The following TRPS1 variants were observed in gnomAD, a reference collection of about 807,000 sequenced individuals.
TRPS1 encodes the protein zinc finger transcription factor Trps1.
TRPS1 carries 6 observed loss-of-function variants against 101.2 expected under a neutral mutation model. That is an observed-to-expected ratio of 0.06 (90% CI 0.03 to 0.12). The LOEUF (loss-of-function observed/expected upper bound fraction) is 0.12, where lower values mean the gene tolerates loss of function less well. Among genes scored for constraint, TRPS1 ranks in the 10% least tolerant of loss-of-function variants. The pLI, the probability that TRPS1 is intolerant of heterozygous loss-of-function variation, is 1.00. For missense variants in TRPS1, 1,363 were observed against 1,567.0 expected (o/e 0.87, Z 2.20); for synonymous variants, 578 against 589.8 (o/e 0.98, Z 0.29).
chr8:115,611,345 C>T (rs1818159314), intron 3 of TRPS1, among the ~76,000 whole-genome samples: 1 of 151,974 alleles, frequency 6.6e-6, no homozygotes, highest in African/African-American at 2.4e-5. Flanking sequence ...ATCTAATCTC[C>T]GAAAATATAG....
rs187616597 is a variant in TRPS1 at position 115,600,678 on chromosome 8, T to G, written c.2096+3195A>C. Among the ~76,000 whole-genome samples, 4 of 152,062 alleles carry G rather than the reference T, an allele frequency of 2.6e-5. No homozygotes were observed. In the East Asian group the frequency reaches 7.7e-4, roughly 29 times the overall value. On this transcript the variant is annotated intron_variant, in intron 4 of 6. Transcript: ENST00000395715. ...AGGGAGAACAAAGGCTCCAAAAATTTTTCTTACTTTGTAGAAGTCTGGCAA... is the reference window on the plus strand; with the variant it reads ...AGGGAGAACAAAGGCTCCAAAAATTGTTCTTACTTTGTAGAAGTCTGGCAA...
chr8:115,586,949 C>T (rs1563623566), intron 5 of TRPS1, 52 bp downstream of exon 5: 2 of 1,609,616 alleles, frequency 1.2e-6, no homozygotes, highest in African/African-American at 2.7e-5. Context: ...ATGTGTGTTC[C>T]TCCTTTTGCC....
chr8:115,525,443 T>C (rs747112957), intron 5 of TRPS1, among the ~76,000 whole-genome samples: 6 of 152,038 alleles, frequency 3.9e-5, no homozygotes, highest in Non-Finnish European at 7.4e-5. Flanking sequence ...ATAAGTACCA[T>C]GTATGCCAGT....
At chr8:115,567,918 T>C (rs560350738) in intron 5 of TRPS1, among the ~76,000 whole-genome samples, 14 of 152,302 alleles carry the variant, frequency 9.2e-5, no homozygotes, top group African/African-American at 3.4e-4. Context: ...AGTGATCTTC[T>C]AGTTGTAAGA....
At chr8:115,553,188 TAA>T (rs1309747209) in intron 5 of TRPS1, among the ~76,000 whole-genome samples, 8 of 152,102 alleles carry the variant, frequency 5.3e-5, no homozygotes, top group Admixed American at 3.9e-4. Context: ...CATAATATAT[TAA>T]AATTTTTTAT....
chr8:115,440,262 G>C (rs1353109088), intron 5 of TRPS1, among the ~76,000 whole-genome samples: 1 of 152,226 alleles, frequency 6.6e-6, no homozygotes, highest in African/African-American at 2.4e-5. Flanking sequence ...CATCATTCGG[G>C]AGTTAATGGC....
At chr8:115,581,076 G>A (rs925014000) in intron 5 of TRPS1, among the ~76,000 whole-genome samples, 4 of 151,760 alleles carry the variant, frequency 2.6e-5, no homozygotes. Context: ...CATAAAAAAA[G>A]AATAAAATTC....
chr8:115,496,104 TCAAA>T (rs1428683157), intron 5 of TRPS1, among the ~76,000 whole-genome samples: 1 of 152,146 alleles, frequency 6.6e-6, no homozygotes, highest in Non-Finnish European at 1.5e-5. Context: ...CTACAACATG[TCAAA>T]TCCTGTGCTG....
At chr8:115,554,095 T>G (rs921845623) in intron 5 of TRPS1, among the ~76,000 whole-genome samples, 1 of 152,204 alleles carries the variant, frequency 6.6e-6, no homozygotes, top group African/African-American at 2.4e-5. Context: ...GTATGAAATA[T>G]TAATAAACAT....
At chr8:115,593,174 C>G (rs745819600) in intron 4 of TRPS1, among the ~76,000 whole-genome samples, 1 of 152,058 alleles carries the variant, frequency 6.6e-6, no homozygotes, top group Non-Finnish European at 1.5e-5. Context: ...TCACATACAC[C>G]TTCTGAGTCA....
At chr8:115,597,543 G>T (rs1817815012) in intron 4 of TRPS1, among the ~76,000 whole-genome samples, 1 of 151,922 alleles carries the variant, frequency 6.6e-6, no homozygotes, top group South Asian at 2.1e-4. Context: ...TTCTCTAATT[G>T]TTTGGTACAG....
chr8:115,437,150 G>C (rs1231601949), intron 5 of TRPS1, among the ~76,000 whole-genome samples: 1 of 152,040 alleles, frequency 6.6e-6, no homozygotes, highest in African/African-American at 2.4e-5. Context: ...TAACTGTTTT[G>C]ACAAAATCAA....
intron 5 of TRPS1, among the ~76,000 whole-genome samples, chr8:115,555,120 A>G (rs1586397596): frequency 6.6e-6 from 1 of 152,210 alleles, no homozygotes; most frequent in East Asian, 1.9e-4. Context: ...AGGCAAACAC[A>G]GTTTAACAGA....
At chr8:115,666,862 G>A (rs1268944277) in intron 1 of TRPS1, among the ~76,000 whole-genome samples, 1 of 107,526 alleles carries the variant, frequency 9.3e-6, no homozygotes, top group Non-Finnish European at 1.7e-5. Flanking sequence ...ATCTCTCCCA[G>A]ACCCTTTCCT....
At chr8:115,498,405 CTCTCTCTCTCTATATATATATATA>C (rs1408343642) in intron 5 of TRPS1, among the ~76,000 whole-genome samples, 152 of 85,664 alleles carry the variant, frequency 1.8e-3, no homozygotes, top group African/African-American at 7.4e-3. Flanking sequence ...CTCTCTCTCT[CTCTCTCTCTCTATATATATATATA>C]TATATATATA....
intron 5 of TRPS1, among the ~76,000 whole-genome samples, chr8:115,428,896 G>T (rs1340982801): frequency 6.6e-6 from 1 of 152,100 alleles, no homozygotes; most frequent in Non-Finnish European, 1.5e-5. Flanking sequence ...AGCACTTAAT[G>T]TTATGTCATT....
intron 5 of TRPS1, among the ~76,000 whole-genome samples, chr8:115,559,784 T>C (rs1005044320): frequency 2.0e-5 from 3 of 152,138 alleles, no homozygotes; most frequent in African/African-American, 7.2e-5. Context: ...GAAAGTGCCC[T>C]TGAAATGCAC....
intron 5 of TRPS1, among the ~76,000 whole-genome samples, chr8:115,460,648 T>A (rs1814145776): frequency 6.6e-6 from 1 of 151,950 alleles, no homozygotes; most frequent in African/African-American, 2.4e-5. Context: ...ATCTAGAAAC[T>A]TAACTGTTTT....
chr8:115,555,223 G>A lies in TRPS1; in HGVS notation c.2700+31778C>T, dbSNP rs182629750. On this transcript the variant is annotated intron_variant, in intron 5 of 6. Coordinates refer to ENST00000395715, the MANE Select transcript of TRPS1 (RefSeq NM_014112.5). The stretch of plus-strand genomic sequence containing the variant: ...ATATACTTGGTTTTTTTTCTGTACT[G>A]CTAACTTCGCTCTTAGAACATTCAG... Among the ~76,000 whole-genome samples, 28 of 152,144 alleles carry A rather than the reference G, an allele frequency of 1.8e-4. No individual in the cohort carries two copies. The East Asian group carries it at 4.6e-3, about 25-fold the overall frequency.
Sources: allele counts gnomAD v4.1 joint callset (sites outside exome capture counted in the v4.1 genomes callset), GRCh38; gene constraint gnomAD v4.1.1; transcripts MANE v1.5; gene names NCBI Gene and HGNC (gene_info 2026-07-23, HGNC 2026-07-21).